WNT1: variants seen among roughly 807,000 people sequenced by gnomAD.
WNT1 encodes proto-oncogene Wnt-1.
A neutral mutation model predicts 21.3 loss-of-function variants in WNT1; 10 were observed. The observed-to-expected ratio is 0.47, with a 90% CI of 0.29 to 0.80. The LOEUF (loss-of-function observed/expected upper bound fraction) is 0.80. Among genes scored for constraint, WNT1 ranks in the 30% least tolerant of loss-of-function variants. The pLI, the probability that WNT1 is intolerant of heterozygous loss-of-function variation, is 0.09. For missense variants in WNT1, 476 were observed against 534.1 expected, an observed-to-expected ratio of 0.89 and a Z score of 1.07; for synonymous variants, 208 against 236.3, an observed-to-expected ratio of 0.88 and a Z score of 1.10.
In WNT1 at chr12:48,978,515, C is replaced by T. The variant is rs114415215; in HGVS notation, c.-136C>T. 8.9e-4 allele frequency: 595 copies of T among 667,398 alleles called. 3 individuals carry two copies. In the African/African-American group the frequency reaches 9.9e-3, roughly 11 times the overall value. The allele number at this position is 667,398 out of a possible 1,614,324, so 41.3% of individuals were successfully genotyped here. On this transcript the variant is annotated 5_prime_UTR_variant, in exon 1 of 4. Coordinates refer to ENST00000293549, the MANE Select transcript of WNT1 (RefSeq NM_005430.4). The surrounding 1 kb of genome is among the most constrained non-coding windows in gnomAD (Gnocchi z 7.4). Reference sequence around the variant, plus strand: ...CGGGACCGCGAGCCATGCTGTCCGCCGCCCGCCCCCAGGGTTGTTAAAGCC... The same window carrying T: ...CGGGACCGCGAGCCATGCTGTCCGCTGCCCGCCCCCAGGGTTGTTAAAGCC...
In WNT1 at chr12:48,980,740, C is replaced by T. The variant is rs750257277; in HGVS notation, c.624+51C>T. On this transcript the variant is annotated intron_variant, in intron 3 of 3. Coordinates refer to ENST00000293549, the MANE Select transcript of WNT1 (RefSeq NM_005430.4). This position sits in a 1 kb window ranked among gnomAD's most constrained non-coding sequence, Gnocchi z 7.0. ...TAAGCGGAGCGGCAGGGGCCAACCT[C>T]GGGCTGGGGAAGTGACGGTCGGTGA... is the stretch of plus-strand genomic sequence containing the variant. 28 of 1,488,452 alleles carry T rather than the reference C, an allele frequency of 1.9e-5. No homozygotes were observed. Among genetic ancestry groups the T allele is most frequent in the East Asian group, 4.7e-5 (2 of 42,402 alleles). The allele number at this position is 1,488,452 out of a possible 1,614,324, so 92.2% of individuals were successfully genotyped here. A position where few individuals can be genotyped will look rare whatever the true frequency, so the allele number is the denominator to read the frequency against.
At position 48,979,217 on chromosome 12, in the gene WNT1, C is replaced by G. The variant is rs980940409; in HGVS notation, c.105-251C>G. ...GAGGCTCGGAGATCCAAGGTAGACACTCGGTCTCCGGGTACCTCCTCTGTC... is the reference window on the plus strand; with the variant it reads ...GAGGCTCGGAGATCCAAGGTAGACAGTCGGTCTCCGGGTACCTCCTCTGTC... On this transcript the variant is annotated intron_variant, in intron 1 of 3. Coordinates refer to ENST00000293549, the MANE Select transcript of WNT1 (RefSeq NM_005430.4). This position sits in a 1 kb window ranked among gnomAD's most constrained non-coding sequence, Gnocchi z 6.0. Among the ~76,000 whole-genome samples the G allele has an allele frequency of 3.9e-5, 6 of 152,218 alleles. No individual in the cohort carries two copies. The highest frequency in any genetic ancestry group is 8.8e-5 in the Non-Finnish European group (6 of 68,036).
In WNT1 at chr12:48,981,782, C is replaced by A; in HGVS notation, c.*142C>A. 1 of 1,201,740 alleles carries A rather than the reference C, an allele frequency of 8.3e-7. No individual in the cohort carries two copies. The highest frequency in any genetic ancestry group is 1.8e-5 in the South Asian group (1 of 56,964). The allele number at this position is 1,201,740 out of a possible 1,614,324, so 74.4% of individuals were successfully genotyped here. The stretch of plus-strand genomic sequence containing the variant: ...CGGTTCATACGCATCCCATCTCTCC[C>A]ACTTCCTCCTACCTGGGGACTCCTC... On this transcript the variant is annotated 3_prime_UTR_variant, in exon 4 of 4. Coordinates refer to ENST00000293549, the MANE Select transcript of WNT1 (RefSeq NM_005430.4). The surrounding 1 kb of genome is among the most constrained non-coding windows in gnomAD (Gnocchi z 7.4).
Position 48,981,220 on chromosome 12 carries a change from G to A in WNT1, c.693G>A (p.Thr231=). Residue 231 remains threonine, a synonymous_variant, in exon 4 of 4, where the codon ACG becomes ACA. Coordinates refer to ENST00000293549, the MANE Select transcript of WNT1 (RefSeq NM_005430.4). The surrounding 1 kb of genome is among the most constrained non-coding windows in gnomAD (Gnocchi z 7.4). The part of the protein sequence containing the change: ...HGMSGSCTVR[T]CWMRLPTLRA... The stretch of plus-strand genomic sequence containing the variant: ...TGTCCGGCTCATGCACGGTGCGCAC[G>A]TGCTGGATGCGGCTGCCCACGCTGC... The A allele has an allele frequency of 1.2e-6, 2 of 1,611,756 alleles. No homozygotes were observed. The highest frequency in any genetic ancestry group is 1.7e-6 in the Non-Finnish European group (2 of 1,179,270).
Position 48,979,406 on chromosome 12 carries a change from C to A in WNT1, c.105-62C>A. ...CCCCCAGGAAGAGGACCGGGTGGCA[C>A]AGTTTTTATGGTTAGGGTGCGGATC... On this transcript the variant is annotated intron_variant, in intron 1 of 3. Coordinates refer to ENST00000293549, the MANE Select transcript of WNT1 (RefSeq NM_005430.4). The surrounding 1 kb of genome is among the most constrained non-coding windows in gnomAD (Gnocchi z 6.0). 1 of 1,532,078 alleles carries A rather than the reference C, an allele frequency of 6.5e-7. No individual in the cohort carries two copies. The highest frequency in any genetic ancestry group is 1.9e-5 in the Admixed American group (1 of 52,612). The allele number at this position is 1,532,078 out of a possible 1,614,324, so 94.9% of individuals were successfully genotyped here.
rs544215366 is a variant in WNT1 at position 48,979,067 on chromosome 12, C to T, written c.104+313C>T. 1.2e-4 allele frequency among the ~76,000 whole-genome samples: 19 copies of T among 152,346 alleles called. No homozygotes were observed. The South Asian group carries it at 3.9e-3, about 32-fold the overall frequency. ...TGGCTCACCACAGGTTTCCCCACCT[C>T]GGGAAGTGAAGGGCCAGGAGTTCGC... On this transcript the variant is annotated intron_variant, in intron 1 of 3. Coordinates refer to ENST00000293549, the MANE Select transcript of WNT1 (RefSeq NM_005430.4). This position sits in a 1 kb window ranked among gnomAD's most constrained non-coding sequence, Gnocchi z 6.0.
Position 48,981,179 on chromosome 12 carries a change from T to G in WNT1, c.652T>G (p.Cys218Gly), listed in dbSNP as rs397514702. Residue 218 changes from cysteine to glycine, a missense_variant, in exon 4 of 4, where the codon TGC becomes GGC. Cys to Gly is a radical substitution (Grantham distance 159). Coordinates refer to ENST00000293549, the MANE Select transcript of WNT1 (RefSeq NM_005430.4). The surrounding 1 kb of genome is among the most constrained non-coding windows in gnomAD (Gnocchi z 7.4). ...TTVFSEMRQE[C>G]KCHGMSGSCT... Reference sequence around the variant, plus strand: ...CGTATTCTCCGAGATGCGCCAGGAGTGCAAGTGCCACGGGATGTCCGGCTC... The same window carrying G: ...CGTATTCTCCGAGATGCGCCAGGAGGGCAAGTGCCACGGGATGTCCGGCTC... The G allele has an allele frequency of 1.1e-5, 18 of 1,611,692 alleles. No individual in the cohort carries two copies.
In WNT1 at chr12:48,979,569, G is replaced by C; in HGVS notation, c.206G>C (p.Arg69Pro). ...CTGCAGCTGTTGAGCCGCAAACAGC[G>C]GCGTCTGATACGCCAAAATCCGGGG... ...PSLQLLSRKQ[R>P]RLIRQNPGIL... The change falls in exon 2 of 4, where the codon CGG becomes CCG. Residue 69 changes from arginine to proline, a missense_variant. By Grantham distance (103) the Arg-to-Pro change is moderately radical. Transcript: ENST00000293549. The surrounding 1 kb of genome is among the most constrained non-coding windows in gnomAD (Gnocchi z 6.0). 1 of 1,614,124 alleles carries C rather than the reference G, an allele frequency of 6.2e-7. No homozygotes were observed.
In WNT1 at chr12:48,978,853, C is replaced by A; in HGVS notation, c.104+99C>A. 1.2e-6 allele frequency: 1 copy of A among 832,092 alleles called. No individual in the cohort carries two copies. Among genetic ancestry groups the A allele is most frequent in the South Asian group, 1.8e-5 (1 of 55,766 alleles). The allele number at this position is 832,092 out of a possible 1,614,324, so 51.5% of individuals were successfully genotyped here. A position where few individuals can be genotyped will look rare whatever the true frequency, so the allele number is the denominator to read the frequency against. ...GCTCTGGGATCCGTCTGCCGACAGG[C>A]TCCCTCCCCGCTCTGACTTCCCTCC... On this transcript the variant is annotated intron_variant, in intron 1 of 3. Transcript: ENST00000293549. The surrounding 1 kb of genome is among the most constrained non-coding windows in gnomAD (Gnocchi z 7.4).
Position 48,978,787 on chromosome 12 carries a change from C to T in WNT1, c.104+33C>T, listed in dbSNP as rs1334980599. 6.7e-7 allele frequency: 1 copy of T among 1,492,018 alleles called. No homozygotes were observed. The highest frequency in any genetic ancestry group is 9.1e-7 in the Non-Finnish European group (1 of 1,094,786). 92.4% of individuals were successfully genotyped at this position (1,492,018 alleles called of 1,614,324 possible). A position where few individuals can be genotyped will look rare whatever the true frequency, so the allele number is the denominator to read the frequency against. On this transcript the variant is annotated intron_variant, in intron 1 of 3. Transcript: ENST00000293549. This position sits in a 1 kb window ranked among gnomAD's most constrained non-coding sequence, Gnocchi z 7.4. ...AGCTGGTGCGGGGTCGCCACTTGTC[C>T]CGCGGCACAGAGCCAGGGGCCAACC...
In WNT1 at chr12:48,981,629, G is replaced by T; in HGVS notation, c.1102G>T (p.Glu368Ter). 6.9e-7 allele frequency: 1 copy of T among 1,456,156 alleles called. No individual in the cohort carries two copies. Among genetic ancestry groups the T allele is most frequent in the Non-Finnish European group, 9.0e-7 (1 of 1,107,020 alleles). The allele number at this position is 1,456,156 out of a possible 1,614,324, so 90.2% of individuals were successfully genotyped here. A position where few individuals can be genotyped will look rare whatever the true frequency, so the allele number is the denominator to read the frequency against. Residue 368 changes from glutamate (E) to a stop codon, truncating the protein, a stop_gained, in exon 4 of 4, where the codon GAG becomes TAG. Transcript: ENST00000293549. LOFTEE classifies it high-confidence loss of function. The surrounding 1 kb of genome is among the most constrained non-coding windows in gnomAD (Gnocchi z 7.4). Reference protein sequence around the residue: ...RNCTHTRVLHECL With the variant: ...RNCTHTRVLH ...CTGCACGCACACGCGCGTACTGCAC[G>T]AGTGTCTGTGAGGCGCTGCGCGGAC...
Position 48,978,457 on chromosome 12 carries a change from TGCCGCCCGCCGTG to T in WNT1, c.-187_-175del, listed in dbSNP as rs1940964015. 2 of 587,942 alleles carry T rather than the reference TGCCGCCCGCCGTG, an allele frequency of 3.4e-6. No homozygotes were observed. The highest frequency in any genetic ancestry group is 4.0e-5 in the South Asian group (2 of 50,258). The allele number at this position is 587,942 out of a possible 1,614,324, so 36.4% of individuals were successfully genotyped here. On this transcript the variant is annotated 5_prime_UTR_variant, in exon 1 of 4. Transcript: ENST00000293549. The surrounding 1 kb of genome is among the most constrained non-coding windows in gnomAD (Gnocchi z 7.4). Reference sequence around the variant, plus strand: ...CCAGCGCCGCAACTATAAGAGGCGGTGCCGCCCGCCGTGGCCGCCTCAGCCCACCAGCCGGGAC... The same window carrying T: ...CCAGCGCCGCAACTATAAGAGGCGGTGCCGCCTCAGCCCACCAGCCGGGAC...
Position 48,979,447 on chromosome 12 carries a change from A to G in WNT1, c.105-21A>G. ...GGTGCGGATCCCCTTCCTGAGCCTG[A>G]GCTATCATACGTCCCACCAGGGGTA... On this transcript the variant is annotated intron_variant, in intron 1 of 3. Transcript: ENST00000293549. This position sits in a 1 kb window ranked among gnomAD's most constrained non-coding sequence, Gnocchi z 6.0. 6.3e-7 allele frequency: 1 copy of G among 1,584,230 alleles called. No individual in the cohort carries two copies. Among genetic ancestry groups the G allele is most frequent in the Non-Finnish European group, 8.6e-7 (1 of 1,158,634 alleles).
chr12:48,980,335 G>A lies in WNT1; in HGVS notation c.359-89G>A. On this transcript the variant is annotated intron_variant, in intron 2 of 3. Transcript: ENST00000293549. This position sits in a 1 kb window ranked among gnomAD's most constrained non-coding sequence, Gnocchi z 7.0. ...TCTCAGGACTCAAAGTGCGGAGTCG[G>A]GGGTGGGATTCCGGTCCCAAGCCCT... The A allele has an allele frequency of 6.8e-7, 1 of 1,472,324 alleles. No individual in the cohort carries two copies. Among genetic ancestry groups the A allele is most frequent in the South Asian group, 1.2e-5 (1 of 83,180 alleles). The allele number at this position is 1,472,324 out of a possible 1,614,324, so 91.2% of individuals were successfully genotyped here.
At position 48,981,431 on chromosome 12, in the gene WNT1, A is replaced by C. The variant is rs1418535295; in HGVS notation, c.904A>C (p.Ser302Arg). 1.3e-6 allele frequency: 2 copies of C among 1,573,168 alleles called. No individual in the cohort carries two copies. Among genetic ancestry groups the C allele is most frequent in the Non-Finnish European group, 1.7e-6 (2 of 1,158,976 alleles). The change falls in exon 4 of 4, where the codon AGC becomes CGC. Residue 302 changes from serine (S) to arginine (R), a missense_variant. By Grantham distance (110) the Ser-to-Arg change is moderately radical. Coordinates refer to ENST00000293549, the MANE Select transcript of WNT1 (RefSeq NM_005430.4). The surrounding 1 kb of genome is among the most constrained non-coding windows in gnomAD (Gnocchi z 7.4). ...FEKSPNFCTY[S>R]GRLGTAGTAG... is the part of the protein sequence containing the mutation. ...GAAATCGCCCAACTTCTGCACGTACAGCGGACGCCTGGGCACAGCAGGCAC... is the reference window on the plus strand; with the variant it reads ...GAAATCGCCCAACTTCTGCACGTACCGCGGACGCCTGGGCACAGCAGGCAC...
Position 48,980,725 on chromosome 12 carries a change from G to A in WNT1, c.624+36G>A, listed in dbSNP as rs1472335196. 4.7e-6 allele frequency: 7 copies of A among 1,502,334 alleles called. No individual in the cohort carries two copies. In the South Asian group the frequency reaches 9.6e-5, roughly 21 times the overall value. The allele number at this position is 1,502,334 out of a possible 1,614,324, so 93.1% of individuals were successfully genotyped here. A position where few individuals can be genotyped will look rare whatever the true frequency, so the allele number is the denominator to read the frequency against. ...AGAGGCTCCGCACCCTAAGCGGAGC[G>A]GCAGGGGCCAACCTCGGGCTGGGGA... On this transcript the variant is annotated intron_variant, in intron 3 of 3. Coordinates refer to ENST00000293549, the MANE Select transcript of WNT1 (RefSeq NM_005430.4). The surrounding 1 kb of genome is among the most constrained non-coding windows in gnomAD (Gnocchi z 7.0).
rs1215856750 is a variant in WNT1 at position 48,979,686 on chromosome 12, C to CA, written c.324dup (p.Gly109ArgfsTer46). ...CGCCGCTGGAACTGTCCCACTGCTC[C>CA]AGGGCCCCACCTCTTCGGCAAGATC... is the stretch of plus-strand genomic sequence containing the variant. On this transcript the variant is annotated frameshift_variant, in exon 2 of 4. Coordinates refer to ENST00000293549, the MANE Select transcript of WNT1 (RefSeq NM_005430.4). LOFTEE classifies it high-confidence loss of function. This position sits in a 1 kb window ranked among gnomAD's most constrained non-coding sequence, Gnocchi z 6.0. 1 of 1,605,912 alleles carries CA rather than the reference C, an allele frequency of 6.2e-7. No homozygotes were observed. Among genetic ancestry groups the CA allele is most frequent in the Non-Finnish European group, 8.5e-7 (1 of 1,173,912 alleles).
At position 48,980,079 on chromosome 12, in the gene WNT1, A is replaced by C. The variant is rs1269398470; in HGVS notation, c.359-345A>C. On this transcript the variant is annotated intron_variant, in intron 2 of 3. Coordinates refer to ENST00000293549, the MANE Select transcript of WNT1 (RefSeq NM_005430.4). This position sits in a 1 kb window ranked among gnomAD's most constrained non-coding sequence, Gnocchi z 7.0. ...TCGCCCAGCAAGGCTTGCACCGCCA[A>C]AATGGGCCGAAAGTTTTGGGCTGCG... Among the ~76,000 whole-genome samples, 2 of 152,266 alleles carry C rather than the reference A, an allele frequency of 1.3e-5. No homozygotes were observed. Among genetic ancestry groups the C allele is most frequent in the African/African-American group, 4.8e-5 (2 of 41,472 alleles).
At position 48,980,403 on chromosome 12, in the gene WNT1, C is replaced by T. The variant is rs772104478; in HGVS notation, c.359-21C>T. ...GCGCCCCGCGTACCCCCTCGCTGAT[C>T]CCCGCTCCCTTCTCCCACAGGCTGT... On this transcript the variant is annotated intron_variant, in intron 2 of 3. Transcript: ENST00000293549. This position sits in a 1 kb window ranked among gnomAD's most constrained non-coding sequence, Gnocchi z 7.0. 1 of 1,614,046 alleles carries T rather than the reference C, an allele frequency of 6.2e-7. No individual in the cohort carries two copies. Among genetic ancestry groups the T allele is most frequent in the Non-Finnish European group, 8.5e-7 (1 of 1,180,006 alleles).
Sources: gnomAD v4.1 joint callset for allele counts (sites outside exome capture counted in the v4.1 genomes callset) on GRCh38, gnomAD v4.1.1 for gene constraint, Gnocchi (gnomAD v3.1) non-coding constraint, MANE v1.5 for transcripts, NCBI Gene and HGNC (gene_info 2026-07-23, HGNC 2026-07-21) for gene names.